Variants in PLXNA2 observed in about 807,000 individuals in gnomAD.
The protein encoded by PLXNA2 is plexin A2, also known as plexin-A2.
PLXNA2 carries 91 observed loss-of-function variants against 193.5 expected under a neutral mutation model. The ratio of observed to expected loss-of-function variants is 0.47; its 90% CI spans 0.40 to 0.56. The LOEUF (loss-of-function observed/expected upper bound fraction) is 0.56, where lower values mean the gene tolerates loss of function less well. Among genes scored for constraint, PLXNA2 ranks in the 20% least tolerant of loss-of-function variants. The pLI, the probability that PLXNA2 is intolerant of heterozygous loss-of-function variation, is 0.00. For missense variants in PLXNA2, 1,995 were observed against 2,503.2 expected, an observed-to-expected ratio of 0.80 and a Z score of 4.33; for synonymous variants, 997 against 1,027.3, an observed-to-expected ratio of 0.97 and a Z score of 0.56.
intron 4 of PLXNA2, among the ~76,000 whole-genome samples, chr1:208,121,142 T>C (rs1667795390): frequency 6.6e-6 from 1 of 152,196 alleles, no homozygotes. Context: ...CCAATGCTGC[T>C]GGGAAGGAGA....
intron 3 of PLXNA2, among the ~76,000 whole-genome samples, chr1:208,200,100 G>A (rs1215429974): frequency 6.6e-6 from 1 of 152,162 alleles, no homozygotes; most frequent in Non-Finnish European, 1.5e-5. Flanking sequence ...AGATTAGCTG[G>A]GGGACACTCA....
rs977241815 is a variant in PLXNA2 at position 208,150,220 on chromosome 1, A to C, written c.1372-7757T>G. Among the ~76,000 whole-genome samples the C allele has an allele frequency of 1.8e-4, 27 of 152,184 alleles. 1 individual carries two copies. Among genetic ancestry groups the C allele is most frequent in the Admixed American group, 1.6e-3 (24 of 15,276 alleles). On this transcript the variant is annotated intron_variant, in intron 3 of 31. Coordinates refer to ENST00000367033, the MANE Select transcript of PLXNA2 (RefSeq NM_025179.4). ...TACACACACACGCACATGCACACAC[A>C]CACTGCTTCCAGCACTGGTCCCCAA...
intron 5 of PLXNA2, 93 bp from the exon 6 acceptor site, chr1:208,099,062 T>C: frequency 1.4e-6 from 2 of 1,466,770 alleles, no homozygotes; most frequent in South Asian, 2.6e-5. Context: ...TTTGCTGCCC[T>C]GAGGCCTGTG....
intron 12 of PLXNA2, among the ~76,000 whole-genome samples, chr1:208,075,089 T>G (rs916179021): frequency 6.6e-6 from 1 of 152,182 alleles, no homozygotes; most frequent in East Asian, 1.9e-4. Context: ...GGTGGGCGGA[T>G]CACCTGAGGT....
chr1:208,168,806 C>T (rs942827001), intron 3 of PLXNA2, among the ~76,000 whole-genome samples: 9 of 132,988 alleles, frequency 6.8e-5, no homozygotes, highest in Non-Finnish European at 1.5e-5. Flanking sequence ...TTCTAATGAG[C>T]CATCTGTGGC....
At chr1:208,039,471 C>T in intron 24 of PLXNA2, 150 bp downstream of exon 24, 1 of 1,080,336 alleles carries the variant, frequency 9.3e-7, no homozygotes, top group Non-Finnish European at 1.3e-6. Flanking sequence ...CCACCTTGCT[C>T]TTGGTACACT....
In PLXNA2 at chr1:208,216,748, T is replaced by G; in HGVS notation, c.1175A>C (p.Gln392Pro). ...ELNWLLGKDV[Q>P]CTKAPVPIDD... ...GTGCCTCCTTACCGCCTTGGTGCAC[T>G]GGACGTCCTTCCCCAGCAGCCAGTT... is the stretch of plus-strand genomic sequence containing the variant. Residue 392 changes from glutamine (Q) to proline (P), a missense_variant, in exon 2 of 32, where the codon CAG becomes CCG. Physicochemically the swap from Gln to Pro is moderately conservative, Grantham distance 76 (BLOSUM62 -1). Around this residue, in one of 3 missense-constraint regions of PLXNA2, gnomAD observed 702 missense variants for 812.9 expected, o/e 0.86. Transcript: ENST00000367033. 1 of 1,613,056 alleles carries G rather than the reference T, an allele frequency of 6.2e-7. No homozygotes were observed. Among genetic ancestry groups the G allele is most frequent in the Non-Finnish European group, 8.5e-7 (1 of 1,179,822 alleles).
chr1:208,210,082 C>A, intron 3 of PLXNA2, 198 bp downstream of exon 3: 1 of 504,892 alleles, frequency 2.0e-6, no homozygotes, highest in South Asian at 1.8e-5. Context: ...TCCTTACATA[C>A]CCAATGACTG....
rs74915556 is a variant in PLXNA2 at position 208,034,381 on chromosome 1, T to C, written c.4864+112A>G. The C allele has an allele frequency of 1.4e-3, 940 of 689,094 alleles. 7 individuals are homozygous for C. In the African/African-American group the frequency reaches 0.015, roughly 11 times the overall value. 42.7% of individuals were successfully genotyped at this position (689,094 alleles called of 1,614,324 possible). Reference sequence around the variant, plus strand: ...GAAACCAACTGGCAGGAGCCTGTGATTGGGCCAGCAGCAGCAAGGGCTGCC... The same window carrying C: ...GAAACCAACTGGCAGGAGCCTGTGACTGGGCCAGCAGCAGCAAGGGCTGCC... On this transcript the variant is annotated intron_variant, in intron 27 of 31. Coordinates refer to ENST00000367033, the MANE Select transcript of PLXNA2 (RefSeq NM_025179.4).
intron 1 of PLXNA2, among the ~76,000 whole-genome samples, chr1:208,239,154 TAAA>T (rs35635470): frequency 2.1e-5 from 3 of 141,586 alleles, no homozygotes; most frequent in Admixed American, 7.0e-5. Context: ...TTTTTTCTTC[TAAA>T]AAAAAAAAAA....
At chr1:208,098,450 T>TCA (rs1445237359) in intron 6 of PLXNA2, among the ~76,000 whole-genome samples, 2 of 120,336 alleles carry the variant, frequency 1.7e-5, no homozygotes, top group South Asian at 3.2e-4. Flanking sequence ...TCTCTCTCTC[T>TCA]CTCTCTCTCA....
intron 26 of PLXNA2, among the ~76,000 whole-genome samples, chr1:208,036,730 C>A (rs1316261259): frequency 6.6e-6 from 1 of 152,196 alleles, no homozygotes; most frequent in Non-Finnish European, 1.5e-5. Context: ...CAGTAAAACT[C>A]AGTAAATATT....
chr1:208,082,401 T>C lies in PLXNA2; in HGVS notation c.2395+11A>G, dbSNP rs192543087. 718 of 1,610,950 alleles carry C rather than the reference T, an allele frequency of 4.5e-4. 5 individuals carry two copies. In the African/African-American group the frequency reaches 8.0e-3, roughly 18 times the overall value. ...AAAAGATCAAACTTCTACCCGGAAG[T>C]AGCCGCTTACCTTTCAGGTCCTGAG... On this transcript the variant is annotated intron_variant, in intron 11 of 31. Transcript: ENST00000367033. This position sits in a 1 kb window ranked among gnomAD's most constrained non-coding sequence, Gnocchi z 4.2.
Position 208,038,600 on chromosome 1 carries a change from G to T in PLXNA2, c.4661-126C>A. ...CCCTCAAGCTGGTACCAATAACAGA[G>T]GCTAGAGACATCTAGGGCTCCATGG... On this transcript the variant is annotated intron_variant, in intron 25 of 31. Coordinates refer to ENST00000367033, the MANE Select transcript of PLXNA2 (RefSeq NM_025179.4). The surrounding 1 kb of genome is among the most constrained non-coding windows in gnomAD (Gnocchi z 4.1). The T allele has an allele frequency of 1.2e-6, 1 of 836,516 alleles. No homozygotes were observed. Among genetic ancestry groups the T allele is most frequent in the Non-Finnish European group, 2.0e-6 (1 of 507,780 alleles). The allele number at this position is 836,516 out of a possible 1,614,324, so 51.8% of individuals were successfully genotyped here. A position where few individuals can be genotyped will look rare whatever the true frequency, so the allele number is the denominator to read the frequency against.
intron 14 of PLXNA2, among the ~76,000 whole-genome samples, chr1:208,053,503 G>A (rs2102338226): frequency 6.6e-6 from 1 of 152,332 alleles, no homozygotes; most frequent in African/African-American, 2.4e-5. Flanking sequence ...AGAAAAAGGT[G>A]GAGATGCCAA....
intron 4 of PLXNA2, among the ~76,000 whole-genome samples, chr1:208,127,876 G>A (rs1175127440): frequency 1.3e-5 from 2 of 152,338 alleles, no homozygotes; most frequent in African/African-American, 2.4e-5. Context: ...GGAGCAGCGA[G>A]TAGGGAAGAT....
At position 208,038,034 on chromosome 1, in the gene PLXNA2, G is replaced by GA. The variant is rs1664728635; in HGVS notation, c.4764+336_4764+337insT. On this transcript the variant is annotated intron_variant, in intron 26 of 31. Coordinates refer to ENST00000367033, the MANE Select transcript of PLXNA2 (RefSeq NM_025179.4). This position sits in a 1 kb window ranked among gnomAD's most constrained non-coding sequence, Gnocchi z 4.1. ...GGTACCTTAAGGTAGTTGTCCATGT[G>GA]GAGGGCTTTGCAATATGCATTTGAT... is the stretch of plus-strand genomic sequence containing the variant. Among the ~76,000 whole-genome samples, 4 of 152,220 alleles carry GA rather than the reference G, an allele frequency of 2.6e-5. No individual in the cohort carries two copies. The highest frequency in any genetic ancestry group is 5.9e-5 in the Non-Finnish European group (4 of 68,042).
chr1:208,043,434 C>T (rs1175930791), intron 20 of PLXNA2, among the ~76,000 whole-genome samples: 1 of 152,118 alleles, frequency 6.6e-6, no homozygotes, highest in Admixed American at 6.5e-5. Context: ...TTCAAATTTT[C>T]TCTTTACATA....
At chr1:208,070,436 C>T (rs571721442) in intron 12 of PLXNA2, among the ~76,000 whole-genome samples, 2 of 152,236 alleles carry the variant, frequency 1.3e-5, no homozygotes, top group South Asian at 4.2e-4. Flanking sequence ...CTGTGCATGT[C>T]TAGTCTCCCC....
Sources: allele counts gnomAD v4.1 joint callset (sites outside exome capture counted in the v4.1 genomes callset), GRCh38; gene constraint gnomAD v4.1.1; regional missense constraint gnomAD v4.1.1; non-coding constraint Gnocchi (gnomAD v3.1); transcripts MANE v1.5; gene names NCBI Gene and HGNC (gene_info 2026-07-23, HGNC 2026-07-21).